The following CEP97 variants were observed in gnomAD, a reference collection of about 807,000 sequenced individuals.
CEP97 encodes the protein centrosomal protein 97.
Under a neutral mutation model 73.1 loss-of-function variants are expected in CEP97, and 43 were observed. The ratio of observed to expected loss-of-function variants is 0.59; its 90% CI spans 0.46 to 0.76. The LOEUF (loss-of-function observed/expected upper bound fraction) is 0.76, where lower values mean the gene tolerates loss of function less well. Ranked by LOEUF, CEP97 falls within the 30% of genes least tolerant of loss-of-function variation. The pLI is 0.00. For missense variants in CEP97, 939 were observed against 1,014.0 expected, an observed-to-expected ratio of 0.93 and a Z score of 1.00; for synonymous variants, 337 against 370.0, an observed-to-expected ratio of 0.91 and a Z score of 1.02.
chr3:101,732,201 A>G (rs771466266), intron 5 of CEP97, among the ~76,000 whole-genome samples: 1 of 152,130 alleles, frequency 6.6e-6, no homozygotes, highest in Non-Finnish European at 1.5e-5. Context: ...CATCTACGTT[A>G]TAAGGGTTTA....
At chr3:101,758,501 T>G in intron 9 of CEP97, 78 bp downstream of exon 9, 1 of 1,520,712 alleles carries the variant, frequency 6.6e-7, no homozygotes, top group Non-Finnish European at 9.0e-7. Flanking sequence ...CAGAACACTG[T>G]GCTTCTGTGA....
chr3:101,724,997 C>T (rs1287133533), intron 1 of CEP97, among the ~76,000 whole-genome samples: 1 of 152,204 alleles, frequency 6.6e-6, no homozygotes, highest in East Asian at 1.9e-4. Flanking sequence ...GCTGAGGAGG[C>T]GGTGGATTTC....
intron 10 of CEP97, chr3:101,763,200 C>T (rs1183775125): frequency 5.7e-6 from 7 of 1,235,132 alleles, no homozygotes; most frequent in Admixed American, 3.1e-5. Context: ...AGCCACATCA[C>T]CTGGCCAAAT....
At chr3:101,758,454 T>C (rs373402308) in intron 9 of CEP97, 31 bp downstream of exon 9, 79 of 1,610,358 alleles carry the variant, frequency 4.9e-5, no homozygotes, top group Non-Finnish European at 6.0e-5. Context: ...ATGCACTGTT[T>C]TGTTGGTTTG....
chr3:101,728,483 C>T (rs535526571), intron 3 of CEP97, among the ~76,000 whole-genome samples: 11 of 151,826 alleles, frequency 7.2e-5, no homozygotes, highest in Non-Finnish European at 1.5e-4. Flanking sequence ...AGGCTGGTCT[C>T]GAACTCCTGA....
chr3:101,753,347 C>T (rs1938896507), intron 6 of CEP97, among the ~76,000 whole-genome samples: 1 of 152,318 alleles, frequency 6.6e-6, no homozygotes, highest in Non-Finnish European at 1.5e-5. Context: ...GGTCAGGGGT[C>T]AGGGGTCAGG....
chr3:101,745,560 CTAGCCAA>C (rs1938587330), intron 6 of CEP97, among the ~76,000 whole-genome samples: 1 of 151,528 alleles, frequency 6.6e-6, no homozygotes, highest in Admixed American at 6.6e-5. Context: ...GCCACTGCAC[CTAGCCAA>C]TATCCTTTTT....
intron 6 of CEP97, among the ~76,000 whole-genome samples, chr3:101,733,755 C>T (rs1005535197): frequency 6.6e-6 from 1 of 152,098 alleles, no homozygotes; most frequent in Non-Finnish European, 1.5e-5. Context: ...TGGTCTCGAT[C>T]TCCTGACCTC....
At chr3:101,748,598 C>A (rs1938699267) in intron 6 of CEP97, among the ~76,000 whole-genome samples, 1 of 152,112 alleles carries the variant, frequency 6.6e-6, no homozygotes, top group Non-Finnish European at 1.5e-5. Flanking sequence ...CATGAAGATT[C>A]TAAATGATTT....
At position 101,758,148 on chromosome 3, in the gene CEP97, C is replaced by G; in HGVS notation, c.1542C>G (p.Asp514Glu). 2 of 1,613,912 alleles carry G rather than the reference C, an allele frequency of 1.2e-6. No homozygotes were observed. The highest frequency in any genetic ancestry group is 1.7e-6 in the Non-Finnish European group (2 of 1,179,984). ...AGTCAACTGAGCAGAAACAATCAGACATAAAGAAACCAGAAAATACACAAC... is the reference window on the plus strand; with the variant it reads ...AGTCAACTGAGCAGAAACAATCAGAGATAAAGAAACCAGAAAATACACAAC... ...FPESTEQKQS[D>E]IKKPENTQPE... The change falls in exon 9 of 11, where the codon GAC becomes GAG. Residue 514 changes from aspartate to glutamate, a missense_variant. Asp to Glu is a conservative substitution (Grantham distance 45). Coordinates refer to ENST00000341893, the MANE Select transcript of CEP97 (RefSeq NM_024548.4).
chr3:101,754,623 G>A (rs78967974), intron 6 of CEP97, among the ~76,000 whole-genome samples: 1,873 of 152,262 alleles, frequency 0.012, 40 homozygotes, highest in African/African-American at 0.043. Context: ...AGAGTCATCC[G>A]AAGGCTTAAC....
At chr3:101,727,649 G>T in intron 3 of CEP97, 108 bp downstream of exon 3, 1 of 802,286 alleles carries the variant, frequency 1.2e-6, no homozygotes, top group Non-Finnish European at 1.9e-6. Context: ...CACTCTCCAG[G>T]GATAATCTCT....
At chr3:101,748,566 T>C (rs764073924) in intron 6 of CEP97, among the ~76,000 whole-genome samples, 15 of 152,196 alleles carry the variant, frequency 9.9e-5, no homozygotes, top group Non-Finnish European at 1.5e-4. Context: ...CAGGAGAATG[T>C]ATGCAGACTT....
At chr3:101,760,057 A>G (rs991401213) in intron 9 of CEP97, among the ~76,000 whole-genome samples, 96 of 145,960 alleles carry the variant, frequency 6.6e-4, no homozygotes, top group Admixed American at 8.2e-4. Flanking sequence ...GAGGAAGAGC[A>G]GGATTGCAGT....
chr3:101,763,713 TG>T (rs1362818264), intron 10 of CEP97, among the ~76,000 whole-genome samples: 2 of 152,244 alleles, frequency 1.3e-5, no homozygotes, highest in Non-Finnish European at 2.9e-5. Flanking sequence ...GAATTTGGTA[TG>T]TTTTTAGGTA....
Position 101,757,860 on chromosome 3 carries a change from A to T in CEP97, c.1254A>T (p.Thr418=). 6.2e-7 allele frequency: 1 copy of T among 1,614,236 alleles called. No individual in the cohort carries two copies. Among genetic ancestry groups the T allele is most frequent in the Non-Finnish European group, 8.5e-7 (1 of 1,180,040 alleles). The stretch of plus-strand genomic sequence containing the variant: ...CAGGACTGTCTCCACTATCACCTAC[A>T]GTTGAGCTGAGGCTGCAGGGCATTA... ...VASGLSPLSP[T]VELRLQGINL... is the part of the protein sequence containing the mutation. The change falls in exon 9 of 11, where the codon ACA becomes ACT. Residue 418 remains threonine (T), a synonymous_variant. Coordinates refer to ENST00000341893, the MANE Select transcript of CEP97 (RefSeq NM_024548.4).
At chr3:101,752,727 C>T (rs1189332391) in intron 6 of CEP97, among the ~76,000 whole-genome samples, 1 of 152,156 alleles carries the variant, frequency 6.6e-6, no homozygotes, top group Admixed American at 6.6e-5. Context: ...GTTCTCGAGC[C>T]TTGGCTTTCA....
chr3:101,746,779 C>T (rs1327700687), intron 6 of CEP97, among the ~76,000 whole-genome samples: 42 of 151,822 alleles, frequency 2.8e-4, no homozygotes, highest in Non-Finnish European at 5.6e-4. Context: ...AACCTACTCA[C>T]CTGACAAAGG....
At position 101,768,683 on chromosome 3, in the gene CEP97, T is replaced by C. The variant is rs544571121; in HGVS notation, c.*3132T>C. The C allele has an allele frequency of 6.6e-6, 1 of 151,824 alleles. No homozygotes were observed. The highest frequency in any genetic ancestry group is 2.4e-5 in the African/African-American group (1 of 41,330). 9.4% of individuals were successfully genotyped at this position (151,824 alleles called of 1,614,324 possible). A position where few individuals can be genotyped will look rare whatever the true frequency, so the allele number is the denominator to read the frequency against. On this transcript the variant is annotated 3_prime_UTR_variant, in exon 11 of 11. Transcript: ENST00000341893. ...AGACCCCCCTCTCTACAAAAAAAATTTTTTTCTGAAAAGAATAAGTACATT... is the reference window on the plus strand; with the variant it reads ...AGACCCCCCTCTCTACAAAAAAAATCTTTTTCTGAAAAGAATAAGTACATT...
Sources: gnomAD v4.1 joint callset for allele counts (sites outside exome capture counted in the v4.1 genomes callset) on GRCh38, gnomAD v4.1.1 for gene constraint, MANE v1.5 for transcripts, NCBI Gene and HGNC (gene_info 2026-07-23, HGNC 2026-07-21) for gene names.